RAB40B: variants seen among roughly 807,000 people sequenced by gnomAD.
The protein encoded by RAB40B is ras-related protein Rab-40B.
In RAB40B, 21 loss-of-function variants were observed where a neutral mutation model predicts 24.0. The observed-to-expected ratio is 0.88, with a 90% CI of 0.62 to 1.26. The LOEUF (loss-of-function observed/expected upper bound fraction) is 1.26. RAB40B is among the 50% of genes most tolerant of loss of function. RAB40B has a pLI of 0.00. For synonymous variants in RAB40B, 167 were observed against 169.8 expected (o/e 0.98, Z 0.13); for missense variants, 348 against 390.5 (o/e 0.89, Z 0.92).
Position 82,658,696 on chromosome 17 carries a change from G to C in RAB40B, c.360C>G (p.Pro120=). The C allele has an allele frequency of 6.2e-7, 1 of 1,609,844 alleles. No homozygotes were observed. Among genetic ancestry groups the C allele is most frequent in the Non-Finnish European group, 8.5e-7 (1 of 1,177,932 alleles). ...GCAGGCGGTTCCCCACCAGGATCTT[G>C]GGGACTCCGGGGGCATGCTAGCGGG... The part of the protein sequence containing the change: ...KEIDEHAPGV[P]KILVGNRLHL... The change falls in exon 5 of 6, where the codon CCC becomes CCG. Residue 120 remains proline, a synonymous_variant. Transcript: ENST00000571995.
At chr17:82,695,691 G>A (rs2046602545) in intron 1 of RAB40B, among the ~76,000 whole-genome samples, 1 of 150,930 alleles carries the variant, frequency 6.6e-6, no homozygotes, top group African/African-American at 2.5e-5. Flanking sequence ...AGCCTGGGCG[G>A]CAGAGAAGAC....
rs200164038 is a variant in RAB40B, at chr17:82,658,443, C to T, written c.565+48G>A. 55 of 1,594,442 alleles carry T rather than the reference C, an allele frequency of 3.4e-5. No homozygotes were observed. The Admixed American group carries it at 5.0e-4, about 15-fold the overall frequency. On this transcript the variant is annotated intron_variant, in intron 5 of 5. Transcript: ENST00000571995. ...TATCCAGGGGGCCGCTGACCCACCT[C>T]GGCATCTGGAGGGCAGAGGTGGCCC...
In RAB40B at chr17:82,697,967, TG is replaced by T. The variant is rs1568049444; in HGVS notation, c.142+487del. 6.6e-6 allele frequency among the ~76,000 whole-genome samples: 1 copy of T among 151,376 alleles called. No homozygotes were observed. The highest frequency in any genetic ancestry group is 2.4e-5 in the African/African-American group (1 of 41,142). ...CCGACCCACGCGCAGACCCAGCACC[TG>T]GGCGCCTGCTCGCCGCGCTCCGCCC... is the stretch of plus-strand genomic sequence containing the variant. On this transcript the variant is annotated intron_variant, in intron 1 of 5. Transcript: ENST00000571995. This position sits in a 1 kb window ranked among gnomAD's most constrained non-coding sequence, Gnocchi z 4.9.
At chr17:82,666,923 T>A (rs916259276) in intron 1 of RAB40B, among the ~76,000 whole-genome samples, 14 of 152,138 alleles carry the variant, frequency 9.2e-5, no homozygotes, top group African/African-American at 3.4e-4. Flanking sequence ...TGTGATCGGA[T>A]GTTGAGTGCT....
chr17:82,689,918 G>A (rs1286254166), intron 1 of RAB40B, among the ~76,000 whole-genome samples: 3 of 147,196 alleles, frequency 2.0e-5, no homozygotes, highest in African/African-American at 7.6e-5. Flanking sequence ...AGTGAACCGA[G>A]ATCGTGCCAC....
rs2046266975 is a variant in RAB40B at position 82,667,061 on chromosome 17, C to T, written c.143-2505G>A. On this transcript the variant is annotated intron_variant, in intron 1 of 5. Transcript: ENST00000571995. This position sits in a 1 kb window ranked among gnomAD's most constrained non-coding sequence, Gnocchi z 4.3. ...TGGAGACCGTCGTGGAGCACACGGC[C>T]TCTGCAGCTCTCCTTCCAGAGAAGC... is the stretch of plus-strand genomic sequence containing the variant. 6.6e-6 allele frequency among the ~76,000 whole-genome samples: 1 copy of T among 152,224 alleles called. No homozygotes were observed. Among genetic ancestry groups the T allele is most frequent in the Admixed American group, 6.5e-5 (1 of 15,286 alleles).
In RAB40B at chr17:82,692,592, TG is replaced by T. The variant is rs943666492; in HGVS notation, c.142+5862del. 3.3e-5 allele frequency among the ~76,000 whole-genome samples: 4 copies of T among 122,676 alleles called. No homozygotes were observed. Among genetic ancestry groups the T allele is most frequent in the African/African-American group, 1.3e-4 (4 of 31,816 alleles). 80.5% of individuals were successfully genotyped at this position (122,676 alleles called of 152,430 possible). On this transcript the variant is annotated intron_variant, in intron 1 of 5. Coordinates refer to ENST00000571995, the MANE Select transcript of RAB40B (RefSeq NM_006822.3). This position sits in a 1 kb window ranked among gnomAD's most constrained non-coding sequence, Gnocchi z 4.0. ...ACAACGGTGGCCGTGCGATGCGGGG[TG>T]GGGGTGGGGGGCATCCGACTGAAAA...
At chr17:82,660,207 GCA>G (rs1031624315) in intron 3 of RAB40B, among the ~76,000 whole-genome samples, 28 of 151,924 alleles carry the variant, frequency 1.8e-4, no homozygotes, top group African/African-American at 6.8e-4. Flanking sequence ...AGGCACTCAT[GCA>G]CAGATGCACA....
intron 2 of RAB40B, 167 bp from the exon 3 acceptor site, chr17:82,661,214 C>T (rs1194139936): frequency 2.2e-6 from 3 of 1,386,250 alleles, no homozygotes; most frequent in Non-Finnish European, 1.9e-6. Flanking sequence ...TGAAGGGATC[C>T]GGGTGTTGGG....
In RAB40B at chr17:82,698,473, G is replaced by A. The variant is rs17855477; in HGVS notation, c.124C>T (p.Pro42Ser). 3 of 1,482,076 alleles carry A rather than the reference G, an allele frequency of 2.0e-6. No homozygotes were observed. Among genetic ancestry groups the A allele is most frequent in the Non-Finnish European group, 2.7e-6 (3 of 1,106,562 alleles). The allele number at this position is 1,482,076 out of a possible 1,614,324, so 91.8% of individuals were successfully genotyped here. ...CGCTCACCCGCCGGGTGGCCGTACGGGGACTCGGCCGCGCCATCCTGCAGG... is the reference window on the plus strand; with the variant it reads ...CGCTCACCCGCCGGGTGGCCGTACGAGGACTCGGCCGCGCCATCCTGCAGG... ...ASLQDGAAESPYGHPAGIDYK... is the reference protein window; with the variant it reads ...ASLQDGAAESSYGHPAGIDYK... The change falls in exon 1 of 6, where the codon CCG (proline) becomes TCG (serine). Residue 42 changes from proline to serine, a missense_variant. Pro to Ser is a moderately conservative substitution (Grantham distance 74, BLOSUM62 -1). Around this residue, in one of 3 missense-constraint regions of RAB40B, gnomAD observed 101 missense variants for 85.5 expected, o/e 1.18. Transcript: ENST00000571995.
In RAB40B at chr17:82,657,841, C is replaced by T. The variant is rs201169084; in HGVS notation, c.*22G>A. 81 of 1,598,294 alleles carry T rather than the reference C, an allele frequency of 5.1e-5. 1 individual carries two copies. In the East Asian group the frequency reaches 5.2e-4, roughly 10 times the overall value. ...CGAGCTTCTCCTGGAGAGATTCCGC[C>T]GTGTTTCTTTCAGTGCCTTCCTTAA... On this transcript the variant is annotated 3_prime_UTR_variant, in exon 6 of 6. Coordinates refer to ENST00000571995, the MANE Select transcript of RAB40B (RefSeq NM_006822.3).
intron 2 of RAB40B, among the ~76,000 whole-genome samples, chr17:82,661,475 T>G (rs1598295031): frequency 6.6e-6 from 1 of 151,878 alleles, no homozygotes; most frequent in East Asian, 1.9e-4. Context: ...AGTGTGCCCC[T>G]AAGAGGGGAG....
At chr17:82,662,863 G>A (rs72853019) in intron 2 of RAB40B, 21,274 of 967,238 alleles carry the variant, frequency 0.022, 261 homozygotes, top group South Asian at 0.038. Context: ...GAGGGCACGC[G>A]CCAGCCCTGA....
At chr17:82,677,295 C>T (rs1352378859) in intron 1 of RAB40B, among the ~76,000 whole-genome samples, 7 of 152,198 alleles carry the variant, frequency 4.6e-5, no homozygotes, top group Non-Finnish European at 1.0e-4. Flanking sequence ...TGAATTAATA[C>T]CTGAACTAAA....
At chr17:82,683,208 C>T (rs537138715) in intron 1 of RAB40B, among the ~76,000 whole-genome samples, 6 of 152,106 alleles carry the variant, frequency 3.9e-5, no homozygotes, top group Non-Finnish European at 8.8e-5. Flanking sequence ...AATGTAAAAT[C>T]TAAAATTATA....
intron 1 of RAB40B, among the ~76,000 whole-genome samples, chr17:82,673,135 CGGA>C (rs1230420008): frequency 6.6e-6 from 1 of 152,000 alleles, no homozygotes; most frequent in East Asian, 1.9e-4. Context: ...ACCCGGCAGG[CGGA>C]GGTTGCAGTG....
intron 1 of RAB40B, among the ~76,000 whole-genome samples, chr17:82,668,924 A>G (rs1437887666): frequency 6.6e-6 from 1 of 152,254 alleles, no homozygotes; most frequent in Non-Finnish European, 1.5e-5. Flanking sequence ...TCTTAGCACC[A>G]GGAGCTTGAC....
At position 82,697,281 on chromosome 17, in the gene RAB40B, G is replaced by A. The variant is rs1176866701; in HGVS notation, c.142+1174C>T. Among the ~76,000 whole-genome samples, 1 of 152,034 alleles carries A rather than the reference G, an allele frequency of 6.6e-6. No homozygotes were observed. Among genetic ancestry groups the A allele is most frequent in the African/African-American group, 2.4e-5 (1 of 41,402 alleles). On this transcript the variant is annotated intron_variant, in intron 1 of 5. Coordinates refer to ENST00000571995, the MANE Select transcript of RAB40B (RefSeq NM_006822.3). The surrounding 1 kb of genome is among the most constrained non-coding windows in gnomAD (Gnocchi z 4.9). ...GCCACACTCCCTTGGTGCTCACGCCGCCTGCCTGGAGCTGCCCTTAGGGGA... is the reference window on the plus strand; with the variant it reads ...GCCACACTCCCTTGGTGCTCACGCCACCTGCCTGGAGCTGCCCTTAGGGGA...
intron 1 of RAB40B, among the ~76,000 whole-genome samples, chr17:82,677,501 A>T (rs149924982): frequency 3.9e-5 from 6 of 152,256 alleles, no homozygotes; most frequent in Non-Finnish European, 5.9e-5. Context: ...CCCTTCCCTG[A>T]TGTGTCCCCC....
Sources: gnomAD v4.1 joint callset for allele counts (sites outside exome capture counted in the v4.1 genomes callset) on GRCh38, gnomAD v4.1.1 for gene constraint, gnomAD v4.1.1 regional missense constraint, Gnocchi (gnomAD v3.1) non-coding constraint, MANE v1.5 for transcripts, NCBI Gene and HGNC (gene_info 2026-07-23, HGNC 2026-07-21) for gene names.